The following GFRA2 variants were observed in gnomAD, a reference collection of about 807,000 sequenced individuals.
The protein encoded by GFRA2 is GDNF family receptor alpha 2.
In GFRA2, 17 loss-of-function variants were observed where a neutral mutation model predicts 48.3. The observed-to-expected ratio is 0.35, with a 90% CI of 0.24 to 0.53. The LOEUF (loss-of-function observed/expected upper bound fraction) is 0.53, where lower values mean the gene tolerates loss of function less well. GFRA2 is among the 20% of genes least tolerant of loss of function. GFRA2 has a pLI of 0.93. For missense variants in GFRA2, 660 were observed against 637.3 expected, an observed-to-expected ratio of 1.04 and a Z score of -0.38; for synonymous variants, 305 against 257.2, an observed-to-expected ratio of 1.19 and a Z score of -1.78.
rs556313037 is a variant in GFRA2 at position 21,690,565 on chromosome 8, T to C, written c.*2713A>G. The C allele has an allele frequency of 6.6e-6, 1 of 152,342 alleles. No homozygotes were observed. The highest frequency in any genetic ancestry group is 1.9e-4 in the East Asian group (1 of 5,188). The allele number at this position is 152,342 out of a possible 1,614,324, so 9.4% of individuals were successfully genotyped here. A position where few individuals can be genotyped will look rare whatever the true frequency, so the allele number is the denominator to read the frequency against. ...GAGGGCAGAGTAAAGCTAGCTAGTA[T>C]CCACTCCTCCTTCATAATGGCACCT... On this transcript the variant is annotated 3_prime_UTR_variant, in exon 9 of 9. Coordinates refer to ENST00000524240, the MANE Select transcript of GFRA2 (RefSeq NM_001495.5).
At chr8:21,793,002 G>A (rs1807603324), upstream of GFRA2, among the ~76,000 whole-genome samples, 1 of 152,158 alleles carries the variant, frequency 6.6e-6, no homozygotes, top group Non-Finnish European at 1.5e-5. Context: ...GGGAGGGAGA[G>A]GTTGCGGTGA....
intron 3 of GFRA2, among the ~76,000 whole-genome samples, chr8:21,754,836 G>A (rs896966331): frequency 2.0e-5 from 3 of 152,122 alleles, no homozygotes; most frequent in African/African-American, 7.2e-5. Context: ...GGCAGAAAGA[G>A]AAAAGTGCCC....
intron 3 of GFRA2, among the ~76,000 whole-genome samples, chr8:21,752,024 C>T (rs1191922814): frequency 6.6e-6 from 1 of 152,184 alleles, no homozygotes; most frequent in Non-Finnish European, 1.5e-5. Flanking sequence ...ATGGCTGAAC[C>T]TCTGCCTCAG....
rs535846637 is a variant in GFRA2 at position 21,729,072 on chromosome 8, G to C, written c.794+21516C>G. Among the ~76,000 whole-genome samples the C allele has an allele frequency of 2.2e-4, 33 of 152,346 alleles. No individual in the cohort carries two copies. The South Asian group carries it at 6.8e-3, about 32-fold the overall frequency. On this transcript the variant is annotated intron_variant, in intron 4 of 8. Transcript: ENST00000524240. ...GGGCCAACCCAGGCCTGGAAAACAA[G>C]GCAGCCCAGGTGACTCTCTGCTCAT...
At chr8:21,731,470 T>C (rs1262997893) in intron 4 of GFRA2, among the ~76,000 whole-genome samples, 1 of 152,066 alleles carries the variant, frequency 6.6e-6, no homozygotes, top group Non-Finnish European at 1.5e-5. Flanking sequence ...TCCAAAGTCA[T>C]CTTAAAATAT....
At chr8:21,753,335 C>T (rs778134861) in intron 3 of GFRA2, among the ~76,000 whole-genome samples, 28 of 152,174 alleles carry the variant, frequency 1.8e-4, no homozygotes, top group East Asian at 7.7e-4. Context: ...AGGCTGGACA[C>T]GGTGGTTCAC....
At position 21,690,909 on chromosome 8, in the gene GFRA2, T is replaced by C. The variant is rs568596615; in HGVS notation, c.*2369A>G. 6.6e-6 allele frequency: 1 copy of C among 152,332 alleles called. No homozygotes were observed. Among genetic ancestry groups the C allele is most frequent in the East Asian group, 1.9e-4 (1 of 5,178 alleles). The allele number at this position is 152,332 out of a possible 1,614,324, so 9.4% of individuals were successfully genotyped here. ...ACTTTTTAAGTTAAATGGTCTTTGC[T>C]GTTTGCAAAGAACACGGATTCCTAA... is the stretch of plus-strand genomic sequence containing the variant. On this transcript the variant is annotated 3_prime_UTR_variant, in exon 9 of 9. Coordinates refer to ENST00000524240, the MANE Select transcript of GFRA2 (RefSeq NM_001495.5).
At chr8:21,714,407 C>CCTGG (rs1180125844) in intron 4 of GFRA2, among the ~76,000 whole-genome samples, 5 of 151,844 alleles carry the variant, frequency 3.3e-5, no homozygotes, top group African/African-American at 1.2e-4. Flanking sequence ...CACCACCATG[C>CCTGG]CTGGCTAATT....
chr8:21,707,749 T>C (rs991939955), intron 4 of GFRA2, among the ~76,000 whole-genome samples: 1 of 152,208 alleles, frequency 6.6e-6, no homozygotes, highest in Non-Finnish European at 1.5e-5. Flanking sequence ...TTTAACTGTT[T>C]GGGATGATTA....
chr8:21,776,137 G>T (rs951249664), intron 2 of GFRA2, among the ~76,000 whole-genome samples: 11 of 151,982 alleles, frequency 7.2e-5, no homozygotes, highest in Non-Finnish European at 1.0e-4. Context: ...AGCACAGGTG[G>T]GGCAGCCTCT....
chr8:21,776,858 T>C (rs1370837590), intron 2 of GFRA2, among the ~76,000 whole-genome samples: 3 of 152,114 alleles, frequency 2.0e-5, no homozygotes, highest in Non-Finnish European at 4.4e-5. Context: ...CTCAATGTCC[T>C]CCACCCCACC....
intron 4 of GFRA2, among the ~76,000 whole-genome samples, chr8:21,717,914 C>T (rs1374663123): frequency 6.6e-6 from 1 of 152,204 alleles, no homozygotes; most frequent in Non-Finnish European, 1.5e-5. Context: ...CTACCTAGAC[C>T]CTGCACAGAA....
chr8:21,782,940 C>T, intron 1 of GFRA2, 41 bp from the exon 2 acceptor site: 1 of 1,500,570 alleles, frequency 6.7e-7, no homozygotes, highest in Non-Finnish European at 9.0e-7. Context: ...ATGACGGCCG[C>T]CACAATCTCC....
chr8:21,770,201 G>A (rs925690373), intron 3 of GFRA2, among the ~76,000 whole-genome samples: 22 of 152,278 alleles, frequency 1.4e-4, no homozygotes, highest in Admixed American at 2.6e-4. Flanking sequence ...AGGTGGCCTC[G>A]AATCAGCAAA....
intron 1 of GFRA2, among the ~76,000 whole-genome samples, chr8:21,785,403 C>A (rs371241767): frequency 6.6e-6 from 1 of 152,328 alleles, no homozygotes; most frequent in East Asian, 1.9e-4. Flanking sequence ...CCCCCAGAAC[C>A]AATCAAGCCC....
At chr8:21,693,858 C>G (rs1329231274) in intron 8 of GFRA2, among the ~76,000 whole-genome samples, 5 of 4,580 alleles carry the variant, frequency 1.1e-3, no homozygotes, top group Admixed American at 8.2e-3. Context: ...TTCTCAATTT[C>G]TTCCAATCCC....
intron 4 of GFRA2, among the ~76,000 whole-genome samples, chr8:21,709,839 T>G (rs1802929403): frequency 6.6e-6 from 1 of 152,110 alleles, no homozygotes; most frequent in Non-Finnish European, 1.5e-5. Flanking sequence ...ATGCAGCTTC[T>G]CAAATGCCTC....
chr8:21,766,172 T>G (rs539539542), intron 3 of GFRA2, among the ~76,000 whole-genome samples: 41 of 152,246 alleles, frequency 2.7e-4, no homozygotes, highest in African/African-American at 7.2e-4. Context: ...GGCCTTTCGC[T>G]AGCTGTTCCA....
chr8:21,765,105 T>A (rs776636821), intron 3 of GFRA2, among the ~76,000 whole-genome samples: 4 of 146,232 alleles, frequency 2.7e-5, no homozygotes, highest in Non-Finnish European at 4.5e-5. Flanking sequence ...TCTTTCTTTT[T>A]ATTTTTTATT....
Sources: allele counts gnomAD v4.1 joint callset (sites outside exome capture counted in the v4.1 genomes callset), GRCh38; gene constraint gnomAD v4.1.1; transcripts MANE v1.5; gene names NCBI Gene and HGNC (gene_info 2026-07-23, HGNC 2026-07-21).